The following CPNE4 variants were observed in gnomAD, a reference collection of about 807,000 sequenced individuals.
CPNE4 encodes copine 4.
In CPNE4, 25 loss-of-function variants were observed where a neutral mutation model predicts 67.9. That is an observed-to-expected ratio of 0.37 (90% confidence interval 0.27 to 0.51). The LOEUF is 0.51. Among genes scored for constraint, CPNE4 ranks in the 20% least tolerant of loss-of-function variants. CPNE4 has a pLI of 0.93. For synonymous variants in CPNE4, 242 were observed against 244.9 expected (o/e 0.99, Z 0.11); for missense variants, 464 against 690.8 (o/e 0.67, Z 3.68).
At chr3:132,003,471 C>T (rs2073506374) in intron 1 of CPNE4, among the ~76,000 whole-genome samples, 1 of 152,036 alleles carries the variant, frequency 6.6e-6, no homozygotes, top group Admixed American at 6.6e-5. Context: ...TAGTAGACCT[C>T]TGATGTCCTT....
intron 2 of CPNE4, among the ~76,000 whole-genome samples, chr3:131,754,171 G>A (rs1337791762): frequency 6.6e-6 from 1 of 151,900 alleles, no homozygotes; most frequent in Non-Finnish European, 1.5e-5. Context: ...AAAAAAGCAA[G>A]GTATAAGAAA....
intron 2 of CPNE4, among the ~76,000 whole-genome samples, chr3:131,869,109 T>C (rs1037617770): frequency 5.3e-4 from 81 of 152,278 alleles, no homozygotes; most frequent in African/African-American, 1.9e-3. Context: ...TCCTTATTTC[T>C]CCTCCCACAC....
At chr3:131,736,152 G>A (rs940602490) in intron 2 of CPNE4, among the ~76,000 whole-genome samples, 1 of 148,124 alleles carries the variant, frequency 6.8e-6, no homozygotes, top group African/African-American at 2.4e-5. Context: ...CCAGGGTAGT[G>A]CCCATGTGGC....
rs899426949 is a variant in CPNE4 at position 132,022,574 on chromosome 3, AAAAT to A, written c.-2+11989_-2+11992del. ...GTACACAAAGATGCTATACAAAAAAAAAATAATAATAATAATAATCCATGCTGCC... is the reference window on the plus strand; with the variant it reads ...GTACACAAAGATGCTATACAAAAAAAAATAATAATAATAATCCATGCTGCC... On this transcript the variant is annotated intron_variant, in intron 1 of 15. Coordinates refer to ENST00000429747, the MANE Select transcript of CPNE4 (RefSeq NM_130808.3). Among the ~76,000 whole-genome samples the A allele has an allele frequency of 9.4e-4, 40 of 42,418 alleles. No individual in the cohort carries two copies. The East Asian group carries it at 0.012, about 13-fold the overall frequency. 27.8% of individuals were successfully genotyped at this position (42,418 alleles called of 152,430 possible). A position where few individuals can be genotyped will look rare whatever the true frequency, so the allele number is the denominator to read the frequency against.
upstream of CPNE4, chr3:132,037,523 G>A (rs1188809868): frequency 2.6e-6 from 4 of 1,510,608 alleles, no homozygotes; most frequent in South Asian, 2.4e-5. Flanking sequence ...CTCAACAATT[G>A]TAACATCAAA....
chr3:131,788,601 TAA>T (rs1388870084), intron 2 of CPNE4, among the ~76,000 whole-genome samples: 1 of 152,144 alleles, frequency 6.6e-6, no homozygotes, highest in Non-Finnish European at 1.5e-5. Context: ...TCTATATGCA[TAA>T]AGTCTTTCAT....
chr3:131,884,640 C>G (rs1401169098), intron 2 of CPNE4, among the ~76,000 whole-genome samples: 2 of 152,126 alleles, frequency 1.3e-5, no homozygotes, highest in African/African-American at 4.8e-5. Flanking sequence ...GAATGGTACT[C>G]CCATAATTCC....
chr3:131,852,284 TA>T (rs917549925), intron 2 of CPNE4, among the ~76,000 whole-genome samples: 55 of 151,822 alleles, frequency 3.6e-4, no homozygotes, highest in Admixed American at 1.4e-3. Context: ...GTAAGCAATG[TA>T]AAAAAACCCA....
chr3:131,732,323 A>T (rs1307268208), intron 2 of CPNE4, among the ~76,000 whole-genome samples: 1 of 152,082 alleles, frequency 6.6e-6, no homozygotes, highest in Non-Finnish European at 1.5e-5. Context: ...TAACTGGCAC[A>T]CTCCCTATTT....
chr3:131,994,659 T>C (rs1156921911), intron 1 of CPNE4, among the ~76,000 whole-genome samples: 2 of 152,190 alleles, frequency 1.3e-5, no homozygotes, highest in African/African-American at 2.4e-5. Flanking sequence ...CCTGAAGCCA[T>C]CTCTAAGGTC....
chr3:131,890,947 G>C (rs2088088874), intron 2 of CPNE4, among the ~76,000 whole-genome samples: 1 of 152,090 alleles, frequency 6.6e-6, no homozygotes, highest in Non-Finnish European at 1.5e-5. Context: ...GGATGAGGAG[G>C]GGGCATACAG....
intron 3 of CPNE4, among the ~76,000 whole-genome samples, chr3:131,719,817 AAAG>A (rs1488098923): frequency 1.3e-5 from 2 of 152,220 alleles, no homozygotes; most frequent in South Asian, 2.1e-4. Flanking sequence ...AATCACAGGC[AAAG>A]AAGAACTGTT....
intron 1 of CPNE4, among the ~76,000 whole-genome samples, chr3:131,929,322 C>T (rs1464637379): frequency 6.6e-6 from 1 of 151,474 alleles, no homozygotes; most frequent in Admixed American, 6.6e-5. Flanking sequence ...CACCTTATTA[C>T]AAACACTAAG....
At chr3:131,654,639 G>A (rs889781764) in intron 7 of CPNE4, among the ~76,000 whole-genome samples, 1 of 152,112 alleles carries the variant, frequency 6.6e-6, no homozygotes, top group Non-Finnish European at 1.5e-5. Context: ...TATTCTGATG[G>A]CCATGTTTTC....
chr3:131,588,547 G>A (rs768904321), intron 7 of CPNE4, among the ~76,000 whole-genome samples: 4 of 152,144 alleles, frequency 2.6e-5, no homozygotes, highest in Non-Finnish European at 4.4e-5. Context: ...TCTTCAGGGC[G>A]CAGATCCCAC....
At chr3:132,012,173 GTTT>G (rs10663165) in intron 1 of CPNE4, among the ~76,000 whole-genome samples, 4 of 136,152 alleles carry the variant, frequency 2.9e-5, no homozygotes, top group African/African-American at 5.5e-5. Context: ...TTGCTTTTTC[GTTT>G]TTTTTTTTTT....
At chr3:131,950,250 G>A (rs772528988) in intron 1 of CPNE4, among the ~76,000 whole-genome samples, 1 of 152,160 alleles carries the variant, frequency 6.6e-6, no homozygotes, top group Non-Finnish European at 1.5e-5. Flanking sequence ...CATTAACAGT[G>A]AACTCACAGC....
At chr3:131,836,450 A>G (rs2085559391) in intron 2 of CPNE4, among the ~76,000 whole-genome samples, 1 of 152,160 alleles carries the variant, frequency 6.6e-6, no homozygotes, top group Non-Finnish European at 1.5e-5. Context: ...ACAGAAGGGA[A>G]CTTCCTCAGC....
In CPNE4 at chr3:131,581,660, C is replaced by A. The variant is rs1172329217; in HGVS notation, c.786G>T (p.Gln262His). Residue 262 changes from glutamine to histidine, a missense_variant, in exon 9 of 16, where the codon CAG becomes CAT. Around this residue, in one of 6 missense-constraint regions of CPNE4, gnomAD observed 26 missense variants for 24.0 expected, o/e 1.08. Coordinates refer to ENST00000429747, the MANE Select transcript of CPNE4 (RefSeq NM_130808.3). Reference protein sequence around the residue: ...MRGAMEGKQVQWECINPKYKA... With the variant: ...MRGAMEGKQVHWECINPKYKA... Reference sequence around the variant, plus strand: ...TGTACTTGGGATTGATGCACTCCCACTGCACCTGAAAGAAGGGTCATAGCA... The same window carrying A: ...TGTACTTGGGATTGATGCACTCCCAATGCACCTGAAAGAAGGGTCATAGCA... 6.2e-7 allele frequency: 1 copy of A among 1,606,144 alleles called. No homozygotes were observed. Among genetic ancestry groups the A allele is most frequent in the Non-Finnish European group, 8.5e-7 (1 of 1,172,736 alleles).
Sources: gnomAD v4.1 joint callset for allele counts (sites outside exome capture counted in the v4.1 genomes callset) on GRCh38, gnomAD v4.1.1 for gene constraint, gnomAD v4.1.1 regional missense constraint, MANE v1.5 for transcripts, NCBI Gene and HGNC (gene_info 2026-07-23, HGNC 2026-07-21) for gene names.